The following EPHA6 variants were observed in gnomAD, a reference collection of about 807,000 sequenced individuals.
The protein encoded by EPHA6 is EPH receptor A6.
In EPHA6, 50 loss-of-function variants were observed where a neutral mutation model predicts 112.0. The ratio of observed to expected loss-of-function variants is 0.45; its 90% CI spans 0.36 to 0.56. EPHA6 has a LOEUF of 0.56. Among genes scored for constraint, EPHA6 ranks in the 20% least tolerant of loss-of-function variants. EPHA6 has a pLI of 0.00. For missense variants in EPHA6, 1,280 were observed against 1,417.4 expected (o/e 0.90, Z 1.56); for synonymous variants, 529 against 490.7 (o/e 1.08, Z -1.03).
chr3:97,492,588 A>C (rs1342678898), intron 10 of EPHA6, among the ~76,000 whole-genome samples: 2 of 130,586 alleles, frequency 1.5e-5, no homozygotes, highest in East Asian at 2.1e-4. Flanking sequence ...AAAAAAAAAA[A>C]AAAAAACCGT....
At chr3:97,101,048 G>T (rs945794543) in intron 3 of EPHA6, among the ~76,000 whole-genome samples, 1 of 151,958 alleles carries the variant, frequency 6.6e-6, no homozygotes. Context: ...TTATGATTCA[G>T]ATTTTCAACT....
At chr3:96,866,200 G>A (rs1389266062) in intron 1 of EPHA6, among the ~76,000 whole-genome samples, 1 of 151,896 alleles carries the variant, frequency 6.6e-6, no homozygotes, top group African/African-American at 2.4e-5. Context: ...AGAAAATGTT[G>A]TTATGTGTTT....
At chr3:97,330,300 G>A (rs2108818070) in intron 5 of EPHA6, among the ~76,000 whole-genome samples, 1 of 152,158 alleles carries the variant, frequency 6.6e-6, no homozygotes, top group South Asian at 2.1e-4. Flanking sequence ...TGGCAATGTG[G>A]GCTCTTTTTT....
At chr3:97,641,086 G>A (rs1212572100) in intron 14 of EPHA6, among the ~76,000 whole-genome samples, 1 of 152,158 alleles carries the variant, frequency 6.6e-6, no homozygotes, top group African/African-American at 2.4e-5. Flanking sequence ...TGGAGATGCT[G>A]TTAATCAAGA....
chr3:97,561,331 G>T lies in EPHA6; in HGVS notation c.2386+28788G>T, dbSNP rs563363134. ...TGTGCCAAACAGCCCAGTTGTAAAT[G>T]CAAAGGGAGTATTTTGAAGAAAAAT... On this transcript the variant is annotated intron_variant, in intron 11 of 17. Transcript: ENST00000389672. Among the ~76,000 whole-genome samples, 21 of 152,148 alleles carry T rather than the reference G, an allele frequency of 1.4e-4. No homozygotes were observed. In the South Asian group the frequency reaches 4.2e-3, roughly 30 times the overall value.
chr3:97,493,838 T>G (rs1222455972), intron 10 of EPHA6, among the ~76,000 whole-genome samples: 1 of 152,188 alleles, frequency 6.6e-6, no homozygotes, highest in African/African-American at 2.4e-5. Flanking sequence ...AAGCAAACTA[T>G]CTCGTGGTTA....
chr3:97,744,453 C>T (rs762818720), intron 16 of EPHA6, among the ~76,000 whole-genome samples: 1 of 151,922 alleles, frequency 6.6e-6, no homozygotes, highest in Non-Finnish European at 1.5e-5. Context: ...TTTCAACTTC[C>T]TTAGAAGATA....
chr3:96,960,702 C>G (rs2041921456), intron 2 of EPHA6, among the ~76,000 whole-genome samples: 1 of 152,170 alleles, frequency 6.6e-6, no homozygotes, highest in Non-Finnish European at 1.5e-5. Flanking sequence ...ATCCATGTCA[C>G]TATGTCTTTG....
At chr3:97,417,451 A>G (rs1360793042) in intron 6 of EPHA6, among the ~76,000 whole-genome samples, 2 of 152,186 alleles carry the variant, frequency 1.3e-5, no homozygotes, top group Non-Finnish European at 2.9e-5. Context: ...CCAATAGCCT[A>G]ACTAGAAAGT....
At chr3:96,920,562 T>C (rs1326488765) in intron 2 of EPHA6, among the ~76,000 whole-genome samples, 2 of 151,996 alleles carry the variant, frequency 1.3e-5, no homozygotes, top group Non-Finnish European at 2.9e-5. Context: ...AGTAAACATA[T>C]TTCTATTTAG....
At chr3:96,926,417 T>C (rs1336950948) in intron 2 of EPHA6, among the ~76,000 whole-genome samples, 1 of 152,088 alleles carries the variant, frequency 6.6e-6, no homozygotes, top group Non-Finnish European at 1.5e-5. Context: ...AAATCTCATA[T>C]CTTCTTGCAT....
At chr3:96,886,176 T>C (rs191952659) in intron 2 of EPHA6, among the ~76,000 whole-genome samples, 1 of 152,326 alleles carries the variant, frequency 6.6e-6, no homozygotes, top group African/African-American at 2.4e-5. Context: ...ATTCTGTATG[T>C]ATCTGCTAAA....
chr3:97,744,659 A>G (rs911102006), intron 16 of EPHA6, among the ~76,000 whole-genome samples: 1 of 151,976 alleles, frequency 6.6e-6, no homozygotes, highest in African/African-American at 2.4e-5. Context: ...GAAATAGGCT[A>G]TTTAAGTCAT....
At chr3:97,419,176 A>C (rs1345747098) in intron 6 of EPHA6, among the ~76,000 whole-genome samples, 1 of 151,958 alleles carries the variant, frequency 6.6e-6, no homozygotes, top group Non-Finnish European at 1.5e-5. Flanking sequence ...GGTGGCATGT[A>C]CCTGTAATCC....
intron 3 of EPHA6, among the ~76,000 whole-genome samples, chr3:97,218,212 A>G (rs1225437520): frequency 6.6e-6 from 1 of 152,080 alleles, no homozygotes; most frequent in Non-Finnish European, 1.5e-5. Context: ...TGGAGGCTGC[A>G]GTAAGCTGTG....
At chr3:97,395,314 T>C (rs1166871037) in intron 5 of EPHA6, among the ~76,000 whole-genome samples, 1 of 151,778 alleles carries the variant, frequency 6.6e-6, no homozygotes, top group Non-Finnish European at 1.5e-5. Context: ...AGACAGATAT[T>C]CTTAGGAACT....
In EPHA6 at chr3:97,661,632, A is replaced by C. The variant is rs566111057; in HGVS notation, c.2784+23550A>C. ...GAAACCAGTTTCTACTTTCAATGGT[A>C]ATTATTGAATCTTAGCTGGTTATTC... On this transcript the variant is annotated intron_variant, in intron 14 of 17. Transcript: ENST00000389672. Among the ~76,000 whole-genome samples, 21 of 152,280 alleles carry C rather than the reference A, an allele frequency of 1.4e-4. No homozygotes were observed. The East Asian group carries it at 3.9e-3, about 28-fold the overall frequency.
chr3:97,177,065 G>T (rs2076856357), intron 3 of EPHA6, among the ~76,000 whole-genome samples: 1 of 151,376 alleles, frequency 6.6e-6, no homozygotes, highest in African/African-American at 2.4e-5. Flanking sequence ...TATCCCATAG[G>T]TATTTTATGT....
intron 3 of EPHA6, among the ~76,000 whole-genome samples, chr3:97,088,125 G>A (rs1422343483): frequency 6.6e-6 from 1 of 152,054 alleles, no homozygotes; most frequent in Admixed American, 6.6e-5. Context: ...AGGTTGCAGT[G>A]AGCCGAGATC....
Sources: gnomAD v4.1 joint callset for allele counts (sites outside exome capture counted in the v4.1 genomes callset) on GRCh38, gnomAD v4.1.1 for gene constraint, MANE v1.5 for transcripts, NCBI Gene and HGNC (gene_info 2026-07-23, HGNC 2026-07-21) for gene names.